Variants in STAU2 observed in about 807,000 individuals in gnomAD.
The protein encoded by STAU2 is double-stranded RNA-binding protein Staufen homolog 2.
In STAU2, 20 loss-of-function variants were observed where a neutral mutation model predicts 65.9. That is an observed-to-expected ratio of 0.30 (90% CI 0.21 to 0.44). The LOEUF (loss-of-function observed/expected upper bound fraction) is 0.44, where lower values mean the gene tolerates loss of function less well. STAU2 is among the 20% of genes least tolerant of loss of function. STAU2 has a pLI of 1.00. For missense variants in STAU2, 558 were observed against 683.9 expected (o/e 0.82, Z 2.05); for synonymous variants, 232 against 233.9 (o/e 0.99, Z 0.07).
At position 73,421,472 on chromosome 8, in the gene STAU2, G is replaced by A; in HGVS notation, c.1620-7C>T. The A allele has an allele frequency of 6.5e-7, 1 of 1,537,256 alleles. No homozygotes were observed. The highest frequency in any genetic ancestry group is 1.2e-5 in the South Asian group (1 of 84,062). On this transcript the variant is annotated splice_polypyrimidine_tract_variant and splice_region_variant and intron_variant, in intron 14 of 14. Coordinates refer to ENST00000524300, the MANE Select transcript of STAU2 (RefSeq NM_001164380.2). The stretch of plus-strand genomic sequence containing the variant: ...TCTCAGATGCTTGGCTTGTCTGAAA[G>A]ATTAATACATTAACAAGAGCTGAAG...
intron 5 of STAU2, among the ~76,000 whole-genome samples, 165 bp downstream of exon 5, chr8:73,688,489 C>CGTGTGTGTGTGTGTGTGTGT (rs34713766): frequency 1.4e-5 from 2 of 146,862 alleles, no homozygotes; most frequent in Admixed American, 1.4e-4. Flanking sequence ...TTTATGCTAC[C>CGTGTGTGTGTGTGTGTGTGT]GTGTGTGTGT....
intron 5 of STAU2, 118 bp downstream of exon 5, chr8:73,688,528 GTGTAGGTA>G: frequency 1.4e-6 from 1 of 740,282 alleles, no homozygotes; most frequent in African/African-American, 1.9e-5. Context: ...GTGTGTGTGT[GTGTAGGTA>G]TGGGCATATG....
chr8:73,481,049 T>C (rs6472779), intron 13 of STAU2, among the ~76,000 whole-genome samples: 115,528 of 152,044 alleles, frequency 0.76, 44,288 homozygotes, highest in East Asian at 0.95. Flanking sequence ...AACTCACACA[T>C]ACTACACACA....
upstream of STAU2, chr8:73,747,193 G>T: frequency 1.7e-6 from 1 of 585,656 alleles, no homozygotes; most frequent in Non-Finnish European, 2.8e-6. Context: ...TGGGCACGCG[G>T]GCGAGCGACT....
intron 13 of STAU2, among the ~76,000 whole-genome samples, chr8:73,477,658 G>A: frequency 1.3e-5 from 2 of 152,146 alleles, no homozygotes; most frequent in East Asian, 3.9e-4. Context: ...TGCTAACTGA[G>A]GGCAGGGCCA....
chr8:73,736,207 A>G (rs1265695968), intron 3 of STAU2, among the ~76,000 whole-genome samples: 1 of 152,260 alleles, frequency 6.6e-6, no homozygotes, highest in East Asian at 1.9e-4. Context: ...TAACACAAGC[A>G]GCATATAACA....
chr8:73,517,771 C>T (rs902729517), intron 13 of STAU2, among the ~76,000 whole-genome samples: 3 of 151,984 alleles, frequency 2.0e-5, no homozygotes, highest in Non-Finnish European at 4.4e-5. Context: ...TAAGTAAGTT[C>T]GTGGCCTTTG....
At chr8:73,438,865 T>C (rs1817908620) in intron 13 of STAU2, 1 of 440,680 alleles carries the variant, frequency 2.3e-6, no homozygotes. Flanking sequence ...AGAGGTGGCG[T>C]TCAGAACTAC....
chr8:73,555,651 C>T (rs1052088007), intron 12 of STAU2, among the ~76,000 whole-genome samples: 12 of 143,928 alleles, frequency 8.3e-5, no homozygotes, highest in African/African-American at 2.9e-4. Flanking sequence ...TAACTATTTA[C>T]ATAGCATTTA....
chr8:73,526,154 C>T (rs4237009), intron 13 of STAU2, among the ~76,000 whole-genome samples: 133,875 of 152,176 alleles, frequency 0.88, 59,113 homozygotes, highest in East Asian at 0.92. Context: ...AGATCAGTTA[C>T]AGAATCATAA....
At chr8:73,662,490 A>G (rs1340990530) in intron 6 of STAU2, among the ~76,000 whole-genome samples, 1 of 152,234 alleles carries the variant, frequency 6.6e-6, no homozygotes, top group Admixed American at 6.5e-5. Flanking sequence ...CTATTTCCAA[A>G]GTAGCAAAGT....
intron 13 of STAU2, among the ~76,000 whole-genome samples, chr8:73,484,513 C>T (rs973273642): frequency 1.3e-5 from 2 of 151,662 alleles, no homozygotes; most frequent in Non-Finnish European, 2.9e-5. Flanking sequence ...TAATGAATGG[C>T]TTTCTATGAT....
chr8:73,566,756 T>G (rs549932360), intron 12 of STAU2, among the ~76,000 whole-genome samples: 1 of 152,310 alleles, frequency 6.6e-6, no homozygotes, highest in East Asian at 1.9e-4. Flanking sequence ...AGGTTGGACA[T>G]TCTCCAACCT....
intron 12 of STAU2, among the ~76,000 whole-genome samples, chr8:73,563,460 G>A (rs186196930): frequency 1.3e-5 from 2 of 152,286 alleles, no homozygotes; most frequent in East Asian, 3.9e-4. Flanking sequence ...GGGGGTAGGG[G>A]AAAGGGTATG....
At chr8:73,485,879 A>G (rs1820885661) in intron 13 of STAU2, among the ~76,000 whole-genome samples, 1 of 152,084 alleles carries the variant, frequency 6.6e-6, no homozygotes, top group African/African-American at 2.4e-5. Flanking sequence ...AAAAGTAGGG[A>G]AAAAGCTGTC....
At chr8:73,713,615 T>C (rs554867484) in intron 3 of STAU2, among the ~76,000 whole-genome samples, 9 of 152,130 alleles carry the variant, frequency 5.9e-5, no homozygotes, top group African/African-American at 2.2e-4. Flanking sequence ...TCAAGGAGTA[T>C]AGACACAGGA....
intron 13 of STAU2, among the ~76,000 whole-genome samples, chr8:73,520,820 T>C (rs1039153742): frequency 6.6e-6 from 1 of 152,196 alleles, no homozygotes; most frequent in African/African-American, 2.4e-5. Context: ...GCTGACATCA[T>C]TGAGCTGCTT....
intron 1 of STAU2, among the ~76,000 whole-genome samples, chr8:73,745,386 G>A (rs144236707): frequency 6.6e-6 from 1 of 152,320 alleles, no homozygotes; most frequent in East Asian, 1.9e-4. Context: ...CAGTGTACTT[G>A]AATCATCTAA....
Position 73,582,788 on chromosome 8 carries a change from G to A in STAU2, c.1204C>T (p.Pro402Ser). The A allele has an allele frequency of 1.9e-6, 3 of 1,612,584 alleles. No individual in the cohort carries two copies. Among genetic ancestry groups the A allele is most frequent in the Non-Finnish European group, 2.5e-6 (3 of 1,179,042 alleles). The change falls in exon 12 of 15, where the codon CCT (proline) becomes TCT (serine). Residue 402 changes from proline to serine, a missense_variant. Physicochemically the swap from Pro to Ser is moderately conservative, Grantham distance 74 (BLOSUM62 -1). Transcript: ENST00000524300. ...KGWSGPKPGFPEPTNNTPKGI... is the reference protein window; with the variant it reads ...KGWSGPKPGFSEPTNNTPKGI... ...AACTTACTATTATTTGTTGGTTCAG[G>A]AAACCCAGGCTTTGGACCACTCCAT... is the stretch of plus-strand genomic sequence containing the variant.
Sources: allele counts gnomAD v4.1 joint callset (sites outside exome capture counted in the v4.1 genomes callset), GRCh38; gene constraint gnomAD v4.1.1; transcripts MANE v1.5; gene names NCBI Gene and HGNC (gene_info 2026-07-23, HGNC 2026-07-21).